The following PNPLA8 variants were observed in gnomAD, a reference collection of about 807,000 sequenced individuals.
PNPLA8 encodes the protein patatin like domain 8, phospholipase A2.
PNPLA8 carries 39 observed loss-of-function variants against 76.9 expected under a neutral mutation model. The observed-to-expected ratio is 0.51, with a 90% CI of 0.39 to 0.66. The LOEUF is 0.66. Ranked by LOEUF, PNPLA8 falls within the 30% of genes least tolerant of loss-of-function variation. The pLI is 0.00. For synonymous variants in PNPLA8, 301 were observed against 307.9 expected (o/e 0.98, Z 0.24); for missense variants, 887 against 918.0 (o/e 0.97, Z 0.44).
At chr7:108,483,588 A>G (rs1860548814) in intron 9 of PNPLA8, among the ~76,000 whole-genome samples, 1 of 152,188 alleles carries the variant, frequency 6.6e-6, no homozygotes, top group South Asian at 2.1e-4. Context: ...TCAGTAATTC[A>G]TTCCTTTTTA....
chr7:108,496,022 A>G (rs779406602), intron 7 of PNPLA8, among the ~76,000 whole-genome samples: 63 of 152,128 alleles, frequency 4.1e-4, no homozygotes, highest in Non-Finnish European at 6.9e-4. Context: ...AGGCAGGCCA[A>G]TCACTTGAGG....
chr7:108,474,490 T>C (rs1358663468), intron 10 of PNPLA8, among the ~76,000 whole-genome samples: 2 of 152,320 alleles, frequency 1.3e-5, no homozygotes, highest in African/African-American at 4.8e-5. Flanking sequence ...GAGAAAGCTA[T>C]AGAAAGCTAC....
intron 9 of PNPLA8, among the ~76,000 whole-genome samples, chr7:108,482,149 T>C (rs1482035480): frequency 6.6e-6 from 1 of 152,208 alleles, no homozygotes; most frequent in Non-Finnish European, 1.5e-5. Context: ...AATTGACTAG[T>C]GTGATTCCTT....
In PNPLA8 at chr7:108,505,334, ATATATATATATATATATATTTTTTTTT is replaced by A. The variant is rs1862307946; in HGVS notation, c.1207-2719_1207-2693del. On this transcript the variant is annotated intron_variant, in intron 4 of 10. Transcript: ENST00000257694. ...TATATATATATATATATATATATAT[ATATATATATATATATATATTTTTTTTT>A]TTTTTTTTTTTTTTTTTTTTGAGAC... Among the ~76,000 whole-genome samples, 13 of 5,492 alleles carry A rather than the reference ATATATATATATATATATATTTTTTTTT, an allele frequency of 2.4e-3. No homozygotes were observed. The East Asian group carries it at 0.056, about 23-fold the overall frequency. 3.6% of individuals were successfully genotyped at this position (5,492 alleles called of 152,430 possible). A position where few individuals can be genotyped will look rare whatever the true frequency, so the allele number is the denominator to read the frequency against.
At chr7:108,521,159 C>T (rs1863712925) in intron 2 of PNPLA8, among the ~76,000 whole-genome samples, 1 of 151,852 alleles carries the variant, frequency 6.6e-6, no homozygotes, top group South Asian at 2.1e-4. Context: ...AAATGTGTAA[C>T]TAAGATTTAG....
intron 9 of PNPLA8, among the ~76,000 whole-genome samples, chr7:108,482,994 T>C (rs2154514975): frequency 6.6e-6 from 1 of 152,312 alleles, no homozygotes; most frequent in Admixed American, 6.5e-5. Flanking sequence ...AAGAACACTC[T>C]TCATCTTTTC....
chr7:108,515,269 T>C lies in PNPLA8; in HGVS notation c.223A>G (p.Ser75Gly), dbSNP rs1175247248. Residue 75 changes from serine (S) to glycine (G), a missense_variant, in exon 3 of 11, where the codon AGC becomes GGC. Coordinates refer to ENST00000257694, the MANE Select transcript of PNPLA8 (RefSeq NM_001256007.3). ...HSCSKHCYSP[S>G]NHGLHIGILK... ...ATCCCAATATGTAAACCATGGTTGC[T>C]TGGAGAGTAACAGTGCTTACTGCAA... 3 of 1,605,552 alleles carry C rather than the reference T, an allele frequency of 1.9e-6. No individual in the cohort carries two copies. Among genetic ancestry groups the C allele is most frequent in the East Asian group, 4.5e-5 (2 of 44,766 alleles).
At chr7:108,474,411 T>C (rs892384592) in intron 10 of PNPLA8, among the ~76,000 whole-genome samples, 4 of 152,100 alleles carry the variant, frequency 2.6e-5, no homozygotes. Flanking sequence ...TAAAAGGAAA[T>C]GAAGGGCATG....
intron 5 of PNPLA8, among the ~76,000 whole-genome samples, chr7:108,498,976 A>G (rs1861754799): frequency 6.6e-6 from 1 of 152,222 alleles, no homozygotes; most frequent in Non-Finnish European, 1.5e-5. Context: ...AAATTATGTA[A>G]GATTAAAGTA....
intron 5 of PNPLA8, among the ~76,000 whole-genome samples, chr7:108,498,763 C>T (rs186354960): frequency 6.6e-6 from 1 of 151,966 alleles, no homozygotes; most frequent in Non-Finnish European, 1.5e-5. Flanking sequence ...GAGATATAGA[C>T]CAATTGAGGG....
rs1340933251 is a variant in PNPLA8 at position 108,496,755 on chromosome 7, C to T, written c.1454G>A (p.Gly485Asp). Residue 485 changes from glycine to aspartate, a missense_variant and splice_region_variant, in exon 7 of 11, where the codon GGT becomes GAT. Gly to Asp is a moderately conservative substitution (Grantham distance 94). Transcript: ENST00000257694. ...LFDYICGVST[G>D]AILAFMLGLF... The stretch of plus-strand genomic sequence containing the variant: ...CCCCAACATGAAAGCTAATATGGCA[C>T]CTGGAAAAAAGAATCCTTAGCTTTT... 2 of 1,604,934 alleles carry T rather than the reference C, an allele frequency of 1.2e-6. No homozygotes were observed.
At chr7:108,500,177 A>C (rs1269668614) in intron 5 of PNPLA8, among the ~76,000 whole-genome samples, 1 of 152,204 alleles carries the variant, frequency 6.6e-6, no homozygotes, top group Non-Finnish European at 1.5e-5. Context: ...AGCTGACTCA[A>C]TGAATGACAC....
chr7:108,496,848 C>A, intron 6 of PNPLA8, 93 bp from the exon 7 acceptor site: 3 of 965,762 alleles, frequency 3.1e-6, no homozygotes, highest in African/African-American at 3.4e-5. Context: ...TAAATTTTAG[C>A]GTTGATACTT....
chr7:108,509,021 C>T lies in PNPLA8; in HGVS notation c.1206+5123G>A, dbSNP rs1255992177. Reference sequence around the variant, plus strand: ...CCTTCCTTACACCTTATACAAAAATCAATTCAAGATGGATTAAAGATTTAA... The same window carrying T: ...CCTTCCTTACACCTTATACAAAAATTAATTCAAGATGGATTAAAGATTTAA... On this transcript the variant is annotated intron_variant, in intron 4 of 10. Transcript: ENST00000257694. Among the ~76,000 whole-genome samples the T allele has an allele frequency of 6.3e-4, 75 of 119,688 alleles. 1 individual carries two copies. In the East Asian group the frequency reaches 0.016, roughly 25 times the overall value. The allele number at this position is 119,688 out of a possible 152,430, so 78.5% of individuals were successfully genotyped here.
Position 108,505,321 on chromosome 7 carries a change from TATATATATATATATATATATATATATATA to T in PNPLA8, c.1207-2708_1207-2680del, listed in dbSNP as rs1563967373. Among the ~76,000 whole-genome samples, 11 of 3,690 alleles carry T rather than the reference TATATATATATATATATATATATATATATA, an allele frequency of 3.0e-3. 1 individual carries two copies. The highest frequency in any genetic ancestry group is 7.6e-3 in the African/African-American group (7 of 916). The allele number at this position is 3,690 out of a possible 152,430, so 2.4% of individuals were successfully genotyped here. A position where few individuals can be genotyped will look rare whatever the true frequency, so the allele number is the denominator to read the frequency against. ...AAATTTATATATATATATATATATATATATATATATATATATATATATATATATATATTTTTTTTTTTTTTTTTTTTTTT... is the reference window on the plus strand; with the variant it reads ...AAATTTATATATATATATATATATATTATTTTTTTTTTTTTTTTTTTTTTT... On this transcript the variant is annotated intron_variant, in intron 4 of 10. Coordinates refer to ENST00000257694, the MANE Select transcript of PNPLA8 (RefSeq NM_001256007.3).
intron 4 of PNPLA8, among the ~76,000 whole-genome samples, chr7:108,506,921 C>T (rs912979455): frequency 6.6e-6 from 1 of 151,972 alleles, no homozygotes; most frequent in Non-Finnish European, 1.5e-5. Context: ...TGTAAACTTA[C>T]GATTTGTGTT....
At chr7:108,486,697 G>C (rs551943646) in intron 9 of PNPLA8, among the ~76,000 whole-genome samples, 1 of 152,190 alleles carries the variant, frequency 6.6e-6, no homozygotes, top group East Asian at 1.9e-4. Context: ...GTATCAAAAT[G>C]AGATAAAATT....
At chr7:108,514,078 C>A in intron 4 of PNPLA8, 66 bp downstream of exon 4, 1 of 1,118,960 alleles carries the variant, frequency 8.9e-7, no homozygotes, top group Non-Finnish European at 1.3e-6. Context: ...TTTGCCTTCT[C>A]CATTTTAGAT....
At chr7:108,482,307 C>T (rs1257887727) in intron 9 of PNPLA8, among the ~76,000 whole-genome samples, 1 of 152,080 alleles carries the variant, frequency 6.6e-6, no homozygotes, top group African/African-American at 2.4e-5. Context: ...CTCATCTCTA[C>T]TAAAAATAAG....
Sources: allele counts gnomAD v4.1 joint callset (sites outside exome capture counted in the v4.1 genomes callset), GRCh38; gene constraint gnomAD v4.1.1; transcripts MANE v1.5; gene names NCBI Gene and HGNC (gene_info 2026-07-23, HGNC 2026-07-21).